STAT3: variants seen among roughly 807,000 people sequenced by gnomAD.
STAT3 encodes the protein signal transducer and activator of transcription 3.
In STAT3, 7 loss-of-function variants were observed where a neutral mutation model predicts 114.3. That is an observed-to-expected ratio of 0.06 (90% CI 0.03 to 0.11). STAT3 has a LOEUF of 0.11. STAT3 is among the 10% of genes least tolerant of loss of function. STAT3 has a pLI of 1.00. For missense variants in STAT3, 364 were observed against 960.9 expected (o/e 0.38, Z 8.21); for synonymous variants, 331 against 354.5 (o/e 0.93, Z 0.74).
intron 4 of STAT3, among the ~76,000 whole-genome samples, chr17:42,340,786 CTG>C (rs1274701153): frequency 2.0e-5 from 3 of 152,196 alleles, no homozygotes; most frequent in Admixed American, 6.5e-5. Context: ...GAGAAAGACT[CTG>C]TGTACACACA....
intron 1 of STAT3, among the ~76,000 whole-genome samples, chr17:42,384,725 T>A (rs1308062395): frequency 6.6e-6 from 1 of 151,942 alleles, no homozygotes; most frequent in Non-Finnish European, 1.5e-5. Context: ...TGGCTAATTT[T>A]TTTTATTTTT....
intron 21 of STAT3, among the ~76,000 whole-genome samples, chr17:42,320,947 TTG>T (rs112139000): frequency 0.1 from 14,695 of 146,624 alleles, 2,396 homozygotes; most frequent in African/African-American, 0.34. Flanking sequence ...TTTCTCTTCT[TTG>T]TGTGTGTGTG....
intron 1 of STAT3, among the ~76,000 whole-genome samples, chr17:42,359,758 G>A (rs1364286911): frequency 6.6e-6 from 1 of 152,072 alleles, no homozygotes; most frequent in Non-Finnish European, 1.5e-5. Context: ...AGAAACTGAG[G>A]CACAGAATTT....
At position 42,371,590 on chromosome 17, in the gene STAT3, C is replaced by T. The variant is rs1331983708; in HGVS notation, c.-24+16689G>A. On this transcript the variant is annotated intron_variant, in intron 1 of 23. Transcript: ENST00000264657. ...ACTCAGGAGGCTGTGGCAGGAGAAT[C>T]GCTTGAACTCAGGAGGCGGAGGTTG... Among the ~76,000 whole-genome samples the T allele has an allele frequency of 4.0e-5, 6 of 149,602 alleles. No homozygotes were observed. The South Asian group carries it at 8.4e-4, about 21-fold the overall frequency.
At chr17:42,340,521 A>AT (rs113949150) in intron 4 of STAT3, among the ~76,000 whole-genome samples, 36 of 143,340 alleles carry the variant, frequency 2.5e-4, no homozygotes, top group South Asian at 1.5e-3. Context: ...AAAAAAAAAA[A>AT]TTTTTTTTTA....
intron 1 of STAT3, among the ~76,000 whole-genome samples, chr17:42,349,156 A>T (rs1216914655): frequency 6.6e-6 from 1 of 152,150 alleles, no homozygotes; most frequent in African/African-American, 2.4e-5. Flanking sequence ...GAGCCACCCC[A>T]TCTGGCCACA....
chr17:42,356,536 TA>T (rs1397088831), intron 1 of STAT3, among the ~76,000 whole-genome samples: 339 of 121,522 alleles, frequency 2.8e-3, no homozygotes, highest in African/African-American at 0.012. Flanking sequence ...TATATATATA[TA>T]TATTTTTTTT....
At chr17:42,350,917 G>A (rs549278468) in intron 1 of STAT3, among the ~76,000 whole-genome samples, 2 of 152,106 alleles carry the variant, frequency 1.3e-5, no homozygotes, top group South Asian at 4.1e-4. Flanking sequence ...CGGATCATGA[G>A]GTCAGGAGAT....
intron 11 of STAT3, among the ~76,000 whole-genome samples, chr17:42,330,179 T>TG (rs2081941331): frequency 6.6e-6 from 1 of 151,510 alleles, no homozygotes; most frequent in African/African-American, 2.4e-5. Context: ...TGCAATGGTG[T>TG]GATCTCGGCT....
intron 1 of STAT3, among the ~76,000 whole-genome samples, chr17:42,371,536 C>T (rs2084135499): frequency 6.6e-6 from 1 of 150,476 alleles, no homozygotes; most frequent in Non-Finnish European, 1.5e-5. Context: ...ATTAGCCAGG[C>T]GTAGTGGCGG....
intron 1 of STAT3, chr17:42,373,985 G>A (rs2084313128): frequency 6.6e-6 from 1 of 152,076 alleles, no homozygotes; most frequent in Non-Finnish European, 1.5e-5. Flanking sequence ...GAAGATGAGT[G>A]ATCTCCCCAA....
chr17:42,370,278 C>T (rs2084041994), intron 1 of STAT3, among the ~76,000 whole-genome samples: 1 of 148,852 alleles, frequency 6.7e-6, no homozygotes, highest in Admixed American at 6.7e-5. Context: ...CAGAGTCTTG[C>T]TCTGTCGTCC....
At position 42,370,163 on chromosome 17, in the gene STAT3, T is replaced by C. The variant is rs529888897; in HGVS notation, c.-24+18116A>G. Among the ~76,000 whole-genome samples, 6 of 150,484 alleles carry C rather than the reference T, an allele frequency of 4.0e-5. No homozygotes were observed. The East Asian group carries it at 7.8e-4, about 20-fold the overall frequency. ...TTTAGTATTTTTAGTAGAGATGGGGTTTCGCCATGTTCACCTGGCCTCAAG... is the reference window on the plus strand; with the variant it reads ...TTTAGTATTTTTAGTAGAGATGGGGCTTCGCCATGTTCACCTGGCCTCAAG... On this transcript the variant is annotated intron_variant, in intron 1 of 23. Transcript: ENST00000264657.
chr17:42,316,545 G>A, intron 23 of STAT3: 1 of 1,067,978 alleles, frequency 9.4e-7, no homozygotes, highest in South Asian at 1.3e-5. Flanking sequence ...GTTAAATTGA[G>A]AGTATGTTGG....
At position 42,359,050 on chromosome 17, in the gene STAT3, C is replaced by T. The variant is rs2083378515; in HGVS notation, c.-23-10511G>A. On this transcript the variant is annotated intron_variant, in intron 1 of 23. Coordinates refer to ENST00000264657, the MANE Select transcript of STAT3 (RefSeq NM_139276.3). ...TCCTGGGTTCACACCATTCTCTTGC[C>T]TCAGCCTCCCGAGTAGCTGGGACTC... Among the ~76,000 whole-genome samples the T allele has an allele frequency of 2.0e-5, 3 of 150,880 alleles. No homozygotes were observed. In the East Asian group the frequency reaches 5.9e-4, roughly 30 times the overall value.
chr17:42,351,278 C>T (rs917457001), intron 1 of STAT3, among the ~76,000 whole-genome samples: 2 of 151,848 alleles, frequency 1.3e-5, no homozygotes, highest in Admixed American at 1.3e-4. Context: ...GAGACAGGCA[C>T]TCTGTCACCC....
Position 42,358,933 on chromosome 17 carries a change from C to CTTTTTTTTTTTTTTTTTT in STAT3, c.-23-10412_-23-10395dup, listed in dbSNP as rs35099574. Among the ~76,000 whole-genome samples the CTTTTTTTTTTTTTTTTTT allele has an allele frequency of 1.7e-3, 170 of 100,432 alleles. 7 individuals are homozygous for CTTTTTTTTTTTTTTTTTT. The highest frequency in any genetic ancestry group is 4.3e-3 in the South Asian group (12 of 2,762). 65.9% of individuals were successfully genotyped at this position (100,432 alleles called of 152,430 possible). A position where few individuals can be genotyped will look rare whatever the true frequency, so the allele number is the denominator to read the frequency against. ...GTCTCCCTTTCATGGACATTTCTTACTTTTTTTTTTTTTTTTTTTGAGATG... is the reference window on the plus strand; with the variant it reads ...GTCTCCCTTTCATGGACATTTCTTACTTTTTTTTTTTTTTTTTTTTTTTTTTTTTTTTTTTTTGAGATG... On this transcript the variant is annotated intron_variant, in intron 1 of 23. Coordinates refer to ENST00000264657, the MANE Select transcript of STAT3 (RefSeq NM_139276.3).
intron 1 of STAT3, among the ~76,000 whole-genome samples, chr17:42,357,158 T>A (rs1219095913): frequency 2.0e-5 from 3 of 152,296 alleles, no homozygotes; most frequent in African/African-American, 2.4e-5. Context: ...AATACAACCC[T>A]GCTAATCCCA....
chr17:42,346,132 A>G (rs952798533), intron 3 of STAT3, among the ~76,000 whole-genome samples: 2 of 151,470 alleles, frequency 1.3e-5, no homozygotes, highest in African/African-American at 2.4e-5. Flanking sequence ...TCCCACCTCA[A>G]CCTCCTAAGG....
Sources: allele counts gnomAD v4.1 joint callset (sites outside exome capture counted in the v4.1 genomes callset), GRCh38; gene constraint gnomAD v4.1.1; transcripts MANE v1.5; gene names NCBI Gene and HGNC (gene_info 2026-07-23, HGNC 2026-07-21).